Variants in RGS3 observed in about 807,000 individuals in gnomAD.
The protein encoded by RGS3 is regulator of G-protein signalling 3.
In RGS3, 80 loss-of-function variants were observed where a neutral mutation model predicts 132.6. That is an observed-to-expected ratio of 0.60 (90% confidence interval 0.50 to 0.73). RGS3 has a LOEUF of 0.73. Ranked by LOEUF, RGS3 falls within the 30% of genes least tolerant of loss-of-function variation. The pLI, the probability that RGS3 is intolerant of heterozygous loss-of-function variation, is 0.00. For synonymous variants in RGS3, 598 were observed against 620.6 expected (o/e 0.96, Z 0.54); for missense variants, 1,382 against 1,530.8 (o/e 0.90, Z 1.62).
In RGS3 at chr9:113,596,763, C is replaced by G. The variant is rs1179736866; in HGVS notation, c.3412-5C>G. On this transcript the variant is annotated splice_polypyrimidine_tract_variant and splice_region_variant and intron_variant, in intron 24 of 24. Coordinates refer to ENST00000350696, the Ensembl canonical transcript of RGS3. ...CCCTGACCATGTCCCCCTCTGCCTC[C>G]CCAGGTCAACCTGGACTCCTACACG... is the stretch of plus-strand genomic sequence containing the variant. 1.2e-6 allele frequency: 2 copies of G among 1,605,256 alleles called. No individual in the cohort carries two copies. Among genetic ancestry groups the G allele is most frequent in the Admixed American group, 1.7e-5 (1 of 59,466 alleles).
intron 7 of RGS3, among the ~76,000 whole-genome samples, chr9:113,495,164 C>T (rs1451994828): frequency 7.9e-5 from 12 of 152,188 alleles, no homozygotes; most frequent in African/African-American, 2.7e-4. Context: ...CGTGAGCCAC[C>T]GTGCCCAGCT....
chr9:113,593,762 C>T, intron 21 of RGS3: 1 of 681,012 alleles, frequency 1.5e-6, no homozygotes, highest in Non-Finnish European at 2.6e-6. Flanking sequence ...CTGAATTCTG[C>T]TGCCTCCTTG....
intron 3 of RGS3, among the ~76,000 whole-genome samples, chr9:113,464,506 C>A (rs543791716): frequency 6.6e-6 from 1 of 152,154 alleles, no homozygotes; most frequent in African/African-American, 2.4e-5. Context: ...AACAGCTGGG[C>A]GGCAGCTGCC....
intron 14 of RGS3, among the ~76,000 whole-genome samples, chr9:113,512,846 T>G (rs1831466584): frequency 6.6e-6 from 1 of 152,204 alleles, no homozygotes; most frequent in Non-Finnish European, 1.5e-5. Context: ...CAGGAACCCC[T>G]GACTTTTTAG....
chr9:113,578,066 C>T (rs778224640), intron 19 of RGS3, among the ~76,000 whole-genome samples: 6 of 152,180 alleles, frequency 3.9e-5, no homozygotes, highest in Non-Finnish European at 7.4e-5. Context: ...GAGTGGACTG[C>T]GAGTCATCAG....
chr9:113,511,670 C>A (rs1191620039), intron 14 of RGS3, among the ~76,000 whole-genome samples: 1 of 152,152 alleles, frequency 6.6e-6, no homozygotes, highest in Non-Finnish European at 1.5e-5. Context: ...GATTCTGTGA[C>A]AGCCCTGGGC....
intron 1 of RGS3, among the ~76,000 whole-genome samples, chr9:113,448,779 T>C (rs1452115503): frequency 6.6e-6 from 1 of 152,238 alleles, no homozygotes; most frequent in African/African-American, 2.4e-5. Flanking sequence ...GTGTCTTCTT[T>C]CTTCAGTGTA....
At chr9:113,567,873 G>A (rs955157452) in intron 19 of RGS3, among the ~76,000 whole-genome samples, 4 of 152,214 alleles carry the variant, frequency 2.6e-5, no homozygotes, top group African/African-American at 9.6e-5. Context: ...CCTCAAGCCA[G>A]TGGTCTGTGT....
At chr9:113,566,285 A>T (rs889127408) in intron 19 of RGS3, among the ~76,000 whole-genome samples, 1 of 152,004 alleles carries the variant, frequency 6.6e-6, no homozygotes, top group Admixed American at 6.5e-5. Context: ...CTGACCTCCA[A>T]CCCCATGGGA....
intron 14 of RGS3, among the ~76,000 whole-genome samples, chr9:113,511,481 A>C (rs1831399722): frequency 6.6e-6 from 1 of 152,076 alleles, no homozygotes; most frequent in Non-Finnish European, 1.5e-5. Flanking sequence ...ATTGGGCACA[A>C]GGGCATGACT....
intron 3 of RGS3, among the ~76,000 whole-genome samples, chr9:113,471,365 A>T (rs1340095062): frequency 6.6e-6 from 1 of 152,124 alleles, no homozygotes; most frequent in Non-Finnish European, 1.5e-5. Context: ...ACACCCCAGG[A>T]GGAAATTAGC....
intron 23 of RGS3, 117 bp downstream of exon 21, chr9:113,595,097 G>A (rs952666229): frequency 8.4e-5 from 83 of 983,770 alleles, no homozygotes; most frequent in Middle Eastern, 4.3e-4. Flanking sequence ...CGGCCGTCAG[G>A]GTGTCCTTGC....
chr9:113,583,265 G>A (rs1211858740), intron 19 of RGS3, 185 bp from the exon 18 acceptor site: 2 of 1,062,166 alleles, frequency 1.9e-6, no homozygotes, highest in Non-Finnish European at 2.6e-6. Flanking sequence ...CAAGCAAGAA[G>A]ACAGGGTGAG....
intron 16 of RGS3, chr9:113,522,365 TCTC>T (rs1381012233): frequency 1.3e-5 from 2 of 152,364 alleles, no homozygotes; most frequent in African/African-American, 4.8e-5. Context: ...CAGGGACTCT[TCTC>T]CCTGTTTGGG....
At position 113,493,025 on chromosome 9, in the gene RGS3, A is replaced by G. The variant is rs528259290; in HGVS notation, c.690-2761A>G. On this transcript the variant is annotated intron_variant, in intron 7 of 24. Transcript: ENST00000350696. ...GACTTTGAAAGTTTCAGCCCTACCC[A>G]GTAGGAAAGAAGTGTACAACAGAGT... 2.6e-5 allele frequency among the ~76,000 whole-genome samples: 4 copies of G among 152,348 alleles called. No individual in the cohort carries two copies. In the East Asian group the frequency reaches 5.8e-4, roughly 22 times the overall value.
chr9:113,590,732 A>G (rs974933809), intron 20 of RGS3, among the ~76,000 whole-genome samples: 5 of 152,106 alleles, frequency 3.3e-5, no homozygotes, highest in Non-Finnish European at 7.4e-5. Flanking sequence ...AGATAACTGA[A>G]GGAATAACTG....
At chr9:113,568,552 A>G (rs1834112820) in intron 19 of RGS3, among the ~76,000 whole-genome samples, 1 of 152,186 alleles carries the variant, frequency 6.6e-6, no homozygotes, top group Non-Finnish European at 1.5e-5. Context: ...CCAAAAGTCA[A>G]TGGTCAGGGC....
intron 19 of RGS3, among the ~76,000 whole-genome samples, chr9:113,551,363 C>T (rs985550551): frequency 1.2e-4 from 18 of 152,156 alleles, no homozygotes; most frequent in African/African-American, 2.9e-4. Flanking sequence ...TTTGTTTAAC[C>T]GTTCATCAGT....
intron 21 of RGS3, 45 bp from the exon 20 acceptor site, chr9:113,594,385 G>C: frequency 2.5e-6 from 4 of 1,607,358 alleles, no homozygotes; most frequent in Non-Finnish European, 3.4e-6. Flanking sequence ...TTGCAGGGGC[G>C]AGTGGGCCAG....
Sources: gnomAD v4.1 joint callset for allele counts (sites outside exome capture counted in the v4.1 genomes callset) on GRCh38, gnomAD v4.1.1 for gene constraint, MANE v1.5 for transcripts, NCBI Gene and HGNC (gene_info 2026-07-23, HGNC 2026-07-21) for gene names.